Variants in PABPC4L observed in about 807,000 individuals in gnomAD.
The protein encoded by PABPC4L is polyadenylate-binding protein 4-like.
For synonymous variants in PABPC4L, 169 were observed against 164.1 expected, an observed-to-expected ratio of 1.03 and a Z score of -0.23; for missense variants, 452 against 451.4, an observed-to-expected ratio of 1.00 and a Z score of -0.01.
the PABPC4L span, among the ~76,000 whole-genome samples, chr4:134,138,446 C>T: frequency 6.6e-6 from 1 of 151,742 alleles, no homozygotes. Flanking sequence ...ATCAGTAACT[C>T]TAGTGATTAC....
chr4:134,052,418 CT>C, the PABPC4L span, among the ~76,000 whole-genome samples: 1 of 151,914 alleles, frequency 6.6e-6, no homozygotes, highest in Admixed American at 6.6e-5. Context: ...CAAAATTGAT[CT>C]GGTTTCATCA....
At chr4:133,979,815 G>T in the PABPC4L span, among the ~76,000 whole-genome samples, 2 of 152,026 alleles carry the variant, frequency 1.3e-5, no homozygotes, top group African/African-American at 4.8e-5. Context: ...ATTTTGGCAT[G>T]AATTTTTACA....
At chr4:133,966,038 C>A in the PABPC4L span, among the ~76,000 whole-genome samples, 2 of 152,168 alleles carry the variant, frequency 1.3e-5, no homozygotes, top group South Asian at 4.2e-4. Flanking sequence ...AGAAAAACCA[C>A]AGAATGGGAG....
At chr4:134,054,558 C>T in the PABPC4L span, among the ~76,000 whole-genome samples, 53,046 of 151,326 alleles carry the variant, frequency 0.35, 11,323 homozygotes, top group East Asian at 0.92. Flanking sequence ...TAGTTCCTGA[C>T]AAGCACTAAA....
the PABPC4L span, among the ~76,000 whole-genome samples, chr4:134,049,543 GA>G: frequency 1.3e-5 from 2 of 152,108 alleles, no homozygotes. Flanking sequence ...CAGATTACAT[GA>G]ACAACTTTGT....
At chr4:134,026,685 A>G in the PABPC4L span, among the ~76,000 whole-genome samples, 9 of 151,984 alleles carry the variant, frequency 5.9e-5, no homozygotes, top group East Asian at 1.7e-3. Flanking sequence ...CTTTATTTGG[A>G]GATAGGGTCT....
the PABPC4L span, among the ~76,000 whole-genome samples, chr4:134,014,807 A>T: frequency 6.6e-6 from 1 of 151,964 alleles, no homozygotes; most frequent in Non-Finnish European, 1.5e-5. Flanking sequence ...CCTTGCCTCC[A>T]TAACTGTTGT....
At chr4:133,975,534 T>C in the PABPC4L span, among the ~76,000 whole-genome samples, 3 of 152,256 alleles carry the variant, frequency 2.0e-5, no homozygotes, top group Admixed American at 1.3e-4. Flanking sequence ...TAAATGACTC[T>C]CTAATTTTTA....
chr4:134,170,202 A>G, the PABPC4L span, among the ~76,000 whole-genome samples: 5 of 152,124 alleles, frequency 3.3e-5, no homozygotes, highest in African/African-American at 1.2e-4. Context: ...TAATACTTGC[A>G]GCTCCCTCTA....
the PABPC4L span, among the ~76,000 whole-genome samples, chr4:134,135,009 CACCA>C: frequency 0.022 from 3,410 of 152,040 alleles, 130 homozygotes; most frequent in African/African-American, 0.078. Context: ...AAGCAAAGAA[CACCA>C]TCCAGAAAGC....
the PABPC4L span, among the ~76,000 whole-genome samples, chr4:134,107,519 G>A: frequency 6.6e-6 from 1 of 151,476 alleles, no homozygotes; most frequent in Non-Finnish European, 1.5e-5. Flanking sequence ...TGTGAGTATT[G>A]CTCCTATTTG....
At chr4:133,960,259 A>T in the PABPC4L span, among the ~76,000 whole-genome samples, 4 of 152,218 alleles carry the variant, frequency 2.6e-5, no homozygotes, top group African/African-American at 9.6e-5. Context: ...CCCAAACTGC[A>T]GAAGTGGGAA....
At chr4:134,193,046 C>T (rs1433262929), downstream of PABPC4L, among the ~76,000 whole-genome samples, 3 of 151,956 alleles carry the variant, frequency 2.0e-5, no homozygotes, top group East Asian at 5.8e-4. Flanking sequence ...TAAAAAATTA[C>T]CTAAATGAAT....
At chr4:134,077,659 T>A in the PABPC4L span, among the ~76,000 whole-genome samples, 1 of 152,116 alleles carries the variant, frequency 6.6e-6, no homozygotes, top group African/African-American at 2.4e-5. Context: ...CAATCATAAG[T>A]CCCATATCCT....
chr4:134,200,741 C>T lies in PABPC4L; in HGVS notation c.279G>A (p.Arg93=), dbSNP rs926907043. ...TGAATACGTTCCCAATTCCAGATCTCCTCAAGTAGGCATCGCGCTGAGACC... is the reference window on the plus strand; with the variant it reads ...TGAATACGTTCCCAATTCCAGATCTTCTCAAGTAGGCATCGCGCTGAGACC... ...LMWSQRDAYL[R]RSGIGNVFIK... Residue 93 remains arginine, a synonymous_variant, in exon 2 of 2, where the codon AGG becomes AGA. Transcript: ENST00000421491. The T allele has an allele frequency of 3.2e-6, 5 of 1,551,580 alleles. No homozygotes were observed. In the African/African-American group the frequency reaches 6.8e-5, roughly 21 times the overall value.
the PABPC4L span, among the ~76,000 whole-genome samples, chr4:134,142,174 G>C: frequency 6.6e-6 from 1 of 151,658 alleles, no homozygotes; most frequent in East Asian, 1.9e-4. Context: ...AAGATTAGTA[G>C]TTCTTGGGCA....
chr4:133,983,974 G>A, the PABPC4L span, among the ~76,000 whole-genome samples: 1 of 151,850 alleles, frequency 6.6e-6, no homozygotes, highest in Middle Eastern at 3.4e-3. Flanking sequence ...CATAGAAAGA[G>A]TACAAAGAAA....
chr4:134,102,698 T>G, the PABPC4L span, among the ~76,000 whole-genome samples: 9 of 151,578 alleles, frequency 5.9e-5, no homozygotes, highest in Admixed American at 2.0e-4. Context: ...AAGTGATCTA[T>G]TTCTCATATT....
In PABPC4L at chr4:134,199,806, ATCAT is replaced by A; in HGVS notation, c.*97_*100del. 1 of 1,395,860 alleles carries A rather than the reference ATCAT, an allele frequency of 7.2e-7. No homozygotes were observed. The allele number at this position is 1,395,860 out of a possible 1,614,324, so 86.5% of individuals were successfully genotyped here. A position where few individuals can be genotyped will look rare whatever the true frequency, so the allele number is the denominator to read the frequency against. ...ATAAAGTTTACTAAACTAAGCACCCATCATGTGGAATATGAAATTTACTGAGGTC... is the reference window on the plus strand; with the variant it reads ...ATAAAGTTTACTAAACTAAGCACCCAGTGGAATATGAAATTTACTGAGGTC... On this transcript the variant is annotated 3_prime_UTR_variant, in exon 2 of 2. Transcript: ENST00000421491.
Sources: allele counts gnomAD v4.1 joint callset (sites outside exome capture counted in the v4.1 genomes callset), GRCh38; gene constraint gnomAD v4.1.1; transcripts MANE v1.5; gene names NCBI Gene and HGNC (gene_info 2026-07-23, HGNC 2026-07-21).